Variants in FRMD4B observed in about 807,000 individuals in gnomAD.
FRMD4B encodes FERM domain containing 4B.
Under a neutral mutation model 141.5 loss-of-function variants are expected in FRMD4B, and 74 were observed. That is an observed-to-expected ratio of 0.52 (90% CI 0.43 to 0.63). FRMD4B has a LOEUF of 0.63. FRMD4B is among the 30% of genes least tolerant of loss of function. The pLI is 0.00. For missense variants in FRMD4B, 1,366 were observed against 1,253.4 expected, an observed-to-expected ratio of 1.09 and a Z score of -1.36; for synonymous variants, 506 against 467.9, an observed-to-expected ratio of 1.08 and a Z score of -1.05.
chr3:69,478,846 C>A (rs1273291298), intron 1 of FRMD4B, among the ~76,000 whole-genome samples: 2 of 151,800 alleles, frequency 1.3e-5, no homozygotes, highest in African/African-American at 2.4e-5. Flanking sequence ...GTCTAAGTCT[C>A]TTTGTTGGTC....
chr3:69,328,933 T>C (rs1029702924), intron 1 of FRMD4B, among the ~76,000 whole-genome samples: 1 of 152,178 alleles, frequency 6.6e-6, no homozygotes, highest in Non-Finnish European at 1.5e-5. Flanking sequence ...TCGGTGCTGC[T>C]CTGCCTATGG....
intron 11 of FRMD4B, among the ~76,000 whole-genome samples, chr3:69,212,380 A>AAAAAAAAAAAAAAAAAAC (rs1559721543): frequency 1.3e-5 from 1 of 76,688 alleles, no homozygotes; most frequent in Non-Finnish European, 2.5e-5. Context: ...AAAAAAAAAA[A>AAAAAAAAAAAAAAAAAAC]GAAAAAAAAA....
chr3:69,380,325 A>T (rs944199344), intron 1 of FRMD4B, among the ~76,000 whole-genome samples: 3 of 152,232 alleles, frequency 2.0e-5, no homozygotes, highest in Admixed American at 2.0e-4. Context: ...TAAAAATGGG[A>T]ATGTAGTCTC....
intron 7 of FRMD4B, among the ~76,000 whole-genome samples, chr3:69,244,111 A>T (rs1469035130): frequency 6.6e-6 from 1 of 152,120 alleles, no homozygotes; most frequent in African/African-American, 2.4e-5. Flanking sequence ...TCACACACAC[A>T]CACTTTTACA....
chr3:69,455,291 C>A (rs555995265), intron 1 of FRMD4B, among the ~76,000 whole-genome samples: 1 of 152,240 alleles, frequency 6.6e-6, no homozygotes, highest in African/African-American at 2.4e-5. Flanking sequence ...GGTCTGTTTA[C>A]ATAATGTGGG....
chr3:69,510,261 T>A lies in FRMD4B; in HGVS notation c.-129+31945A>T, dbSNP rs1317936579. Among the ~76,000 whole-genome samples the A allele has an allele frequency of 2.0e-5, 3 of 152,086 alleles. No homozygotes were observed. In the East Asian group the frequency reaches 5.8e-4, roughly 29 times the overall value. Reference sequence around the variant, plus strand: ...CAAACTCCACAAAAAATTAGAGAGATGAAAATATTGTAACATAAAACAATA... The same window carrying A: ...CAAACTCCACAAAAAATTAGAGAGAAGAAAATATTGTAACATAAAACAATA... On this transcript the variant is annotated intron_variant, in intron 1 of 5. Transcript: ENST00000459638.
intron 11 of FRMD4B, chr3:69,200,290 G>A (rs1437022016): frequency 5.3e-6 from 2 of 375,974 alleles, no homozygotes; most frequent in Non-Finnish European, 7.3e-6. Flanking sequence ...CAGCCCTCCG[G>A]GGTCCGCACA....
intron 1 of FRMD4B, among the ~76,000 whole-genome samples, chr3:69,443,621 GC>G (rs1416065085): frequency 6.6e-6 from 1 of 152,146 alleles, no homozygotes; most frequent in Non-Finnish European, 1.5e-5. Flanking sequence ...AACCACCTTT[GC>G]AAAATTATGA....
upstream of FRMD4B, among the ~76,000 whole-genome samples, chr3:69,390,799 G>A (rs915363100): frequency 6.6e-5 from 10 of 152,170 alleles, no homozygotes; most frequent in South Asian, 1.0e-3. Flanking sequence ...AGGCTGAGGC[G>A]GAAGGACTGC....
intron 1 of FRMD4B, among the ~76,000 whole-genome samples, chr3:69,439,151 T>C (rs777248474): frequency 1.3e-5 from 2 of 152,204 alleles, no homozygotes; most frequent in Non-Finnish European, 2.9e-5. Context: ...TGCTGCCTAT[T>C]ATATTTTGCT....
Position 69,347,709 on chromosome 3 carries a change from G to C in FRMD4B, c.163-34192C>G, listed in dbSNP as rs1702994130. On this transcript the variant is annotated intron_variant, in intron 1 of 22. Transcript: ENST00000398540. ...AAAACCGCTCAACTATATGGAAACT[G>C]AACAACCTGCTCCTGAAAGACTACT... 2.6e-5 allele frequency among the ~76,000 whole-genome samples: 4 copies of C among 152,202 alleles called. No individual in the cohort carries two copies. In the South Asian group the frequency reaches 6.2e-4, roughly 24 times the overall value.
At chr3:69,172,052 A>C in intron 22 of FRMD4B, 71 bp from the exon 23 acceptor site, 8 of 1,453,820 alleles carry the variant, frequency 5.5e-6, no homozygotes, top group Non-Finnish European at 7.7e-6. Flanking sequence ...AGACTACTAC[A>C]TTTAAAGAAG....
At chr3:69,458,673 G>A (rs1464633780) in intron 1 of FRMD4B, among the ~76,000 whole-genome samples, 1 of 151,880 alleles carries the variant, frequency 6.6e-6, no homozygotes, top group Non-Finnish European at 1.5e-5. Flanking sequence ...ATACCTTCAG[G>A]GTATTAATTA....
At chr3:69,246,562 G>T (rs978254383) in intron 7 of FRMD4B, among the ~76,000 whole-genome samples, 1 of 152,156 alleles carries the variant, frequency 6.6e-6, no homozygotes, top group Non-Finnish European at 1.5e-5. Flanking sequence ...AGATCAGATA[G>T]GGAGAGCATG....
At chr3:69,247,238 G>A (rs901014731) in intron 7 of FRMD4B, among the ~76,000 whole-genome samples, 2 of 152,050 alleles carry the variant, frequency 1.3e-5, no homozygotes, top group South Asian at 2.1e-4. Flanking sequence ...CCATTTTACC[G>A]ATGAGGAAAC....
intron 1 of FRMD4B, among the ~76,000 whole-genome samples, chr3:69,326,573 A>C (rs144075613): frequency 7.2e-5 from 11 of 152,210 alleles, no homozygotes; most frequent in African/African-American, 2.2e-4. Flanking sequence ...CATTTTCCCC[A>C]TTGAGCTCTC....
In FRMD4B at chr3:69,243,437, G is replaced by A. The variant is rs547012518; in HGVS notation, c.581+5789C>T. 2.6e-5 allele frequency among the ~76,000 whole-genome samples: 4 copies of A among 152,348 alleles called. No individual in the cohort carries two copies. The South Asian group carries it at 6.2e-4, about 24-fold the overall frequency. ...GATACTAAGGAGTATGCACAGCAGA[G>A]AATGGGAGACTAAATGTGTAATGCC... On this transcript the variant is annotated intron_variant, in intron 7 of 22. Coordinates refer to ENST00000398540, the MANE Select transcript of FRMD4B (RefSeq NM_015123.3).
intron 16 of FRMD4B, among the ~76,000 whole-genome samples, chr3:69,194,120 G>A (rs1049813380): frequency 6.6e-6 from 1 of 152,162 alleles, no homozygotes; most frequent in South Asian, 2.1e-4. Flanking sequence ...CATTCAGTTG[G>A]TTGGGAGAAG....
chr3:69,532,075 T>C lies in FRMD4B; in HGVS notation c.-129+10131A>G, dbSNP rs1331634215. Reference sequence around the variant, plus strand: ...GTCTTACAGCCCAACTGGGATGGCGTTCTGTGTTCCCAGTCTAAGGGCACA... The same window carrying C: ...GTCTTACAGCCCAACTGGGATGGCGCTCTGTGTTCCCAGTCTAAGGGCACA... On this transcript the variant is annotated intron_variant, in intron 1 of 5. Transcript: ENST00000459638. 2.0e-5 allele frequency among the ~76,000 whole-genome samples: 3 copies of C among 152,222 alleles called. No homozygotes were observed. In the East Asian group the frequency reaches 5.8e-4, roughly 29 times the overall value.
Sources: allele counts gnomAD v4.1 joint callset (sites outside exome capture counted in the v4.1 genomes callset), GRCh38; gene constraint gnomAD v4.1.1; transcripts MANE v1.5; gene names NCBI Gene and HGNC (gene_info 2026-07-23, HGNC 2026-07-21).